The following FMN1 variants were observed in gnomAD, a reference collection of about 807,000 sequenced individuals.
FMN1 encodes the protein formin-1.
A neutral mutation model predicts 132.4 loss-of-function variants in FMN1; 110 were observed. That is an observed-to-expected ratio of 0.83 (90% CI 0.71 to 0.97). The LOEUF (loss-of-function observed/expected upper bound fraction) is 0.97, where lower values mean the gene tolerates loss of function less well. Ranked by LOEUF, FMN1 falls within the 50% of genes least tolerant of loss-of-function variation. The probability of loss-of-function intolerance (pLI) is 0.00; values close to 1 mark genes in which losing one functional copy is unlikely to be tolerated. For synonymous variants in FMN1, 722 were observed against 651.7 expected, an observed-to-expected ratio of 1.11 and a Z score of -1.64; for missense variants, 1,792 against 1,705.3, an observed-to-expected ratio of 1.05 and a Z score of -0.90.
intron 9 of FMN1, among the ~76,000 whole-genome samples, chr15:32,927,305 G>A (rs976616262): frequency 5.9e-5 from 9 of 152,180 alleles, no homozygotes; most frequent in Non-Finnish European, 1.5e-5. Context: ...CACACAGGCT[G>A]GAGTAGAGTG....
intron 10 of FMN1, among the ~76,000 whole-genome samples, chr15:32,921,269 C>T (rs1476360956): frequency 6.6e-6 from 1 of 152,076 alleles, no homozygotes; most frequent in African/African-American, 2.4e-5. Context: ...ACAGAGGGAG[C>T]GTGCAGAACT....
chr15:33,101,032 T>C (rs1209507529), intron 4 of FMN1, among the ~76,000 whole-genome samples: 1 of 152,218 alleles, frequency 6.6e-6, no homozygotes, highest in Non-Finnish European at 1.5e-5. Context: ...TATTTTTCTG[T>C]ACTTTCTACC....
chr15:32,847,409 C>T (rs1273120458), intron 17 of FMN1, among the ~76,000 whole-genome samples: 2 of 152,174 alleles, frequency 1.3e-5, no homozygotes, highest in Non-Finnish European at 2.9e-5. Context: ...CTCTCTTCCA[C>T]TAGCATGTAG....
chr15:32,888,316 T>C (rs1184435278), intron 15 of FMN1, 24 bp from the exon 16 acceptor site: 2 of 1,560,568 alleles, frequency 1.3e-6, no homozygotes, highest in Non-Finnish European at 1.7e-6. Flanking sequence ...TAAACAAAAG[T>C]ACATTATACT....
At chr15:33,179,816 G>A (rs568811734) in intron 3 of FMN1, among the ~76,000 whole-genome samples, 1 of 152,228 alleles carries the variant, frequency 6.6e-6, no homozygotes, top group African/African-American at 2.4e-5. Flanking sequence ...CACATAATGG[G>A]CCCAGTTAGC....
At chr15:32,823,045 G>C (rs2058262328) in intron 17 of FMN1, among the ~76,000 whole-genome samples, 2 of 151,990 alleles carry the variant, frequency 1.3e-5, no homozygotes, top group Admixed American at 1.3e-4. Flanking sequence ...ATGTTCCATG[G>C]GGCAGGGTAC....
At chr15:33,096,142 C>T (rs759669143) in intron 4 of FMN1, among the ~76,000 whole-genome samples, 11 of 152,128 alleles carry the variant, frequency 7.2e-5, no homozygotes, top group Non-Finnish European at 1.3e-4. Context: ...TCATTCCTAT[C>T]ATCAAAAGGA....
intron 3 of FMN1, among the ~76,000 whole-genome samples, chr15:33,158,087 G>T (rs1188269693): frequency 4.6e-5 from 7 of 151,984 alleles, no homozygotes; most frequent in Non-Finnish European, 1.0e-4. Context: ...GCTCCCTAAG[G>T]TCATCCCTTA....
At chr15:33,085,728 T>C (rs1309442905) in intron 5 of FMN1, among the ~76,000 whole-genome samples, 1 of 151,992 alleles carries the variant, frequency 6.6e-6, no homozygotes, top group Non-Finnish European at 1.5e-5. Flanking sequence ...AAGGAAATAG[T>C]CCTAAATAAT....
At chr15:33,015,721 T>C (rs188288115) in intron 6 of FMN1, among the ~76,000 whole-genome samples, 1 of 151,306 alleles carries the variant, frequency 6.6e-6, no homozygotes, top group African/African-American at 2.4e-5. Flanking sequence ...AAAAAATCAT[T>C]CCTCTGAATT....
intron 5 of FMN1, among the ~76,000 whole-genome samples, chr15:33,085,739 G>A (rs965333840): frequency 1.3e-5 from 2 of 151,888 alleles, no homozygotes; most frequent in Non-Finnish European, 2.9e-5. Context: ...CCTAAATAAT[G>A]GGGGGAAAGG....
At chr15:32,800,713 T>A (rs905278283) in intron 18 of FMN1, among the ~76,000 whole-genome samples, 2 of 152,174 alleles carry the variant, frequency 1.3e-5, no homozygotes. Context: ...CCTGGTAGGG[T>A]TGGGCCTGGA....
At chr15:32,777,038 A>G (rs898446615) in intron 19 of FMN1, 119 bp from the exon 20 acceptor site, 2 of 577,498 alleles carry the variant, frequency 3.5e-6, no homozygotes, top group Non-Finnish European at 6.0e-6. Context: ...GAATTAATCC[A>G]TCAGCAATTT....
intron 6 of FMN1, among the ~76,000 whole-genome samples, chr15:33,056,588 T>C (rs2037226828): frequency 6.6e-6 from 1 of 152,210 alleles, no homozygotes; most frequent in South Asian, 2.1e-4. Flanking sequence ...CCATTTGGGT[T>C]ACAGTTCACT....
At chr15:32,914,502 C>G (rs1266715426) in intron 10 of FMN1, among the ~76,000 whole-genome samples, 1 of 152,094 alleles carries the variant, frequency 6.6e-6, no homozygotes, top group Admixed American at 6.6e-5. Context: ...GGGGTAAAAC[C>G]TTGTAGAATT....
At chr15:32,904,021 T>C (rs965079464) in intron 12 of FMN1, among the ~76,000 whole-genome samples, 4 of 152,240 alleles carry the variant, frequency 2.6e-5, no homozygotes, top group African/African-American at 9.6e-5. Context: ...AATGTCAGTC[T>C]GTCCTTTAGG....
At chr15:33,191,723 G>A (rs76343033) in intron 2 of FMN1, among the ~76,000 whole-genome samples, 2,132 of 152,274 alleles carry the variant, frequency 0.014, 24 homozygotes, top group African/African-American at 0.025. Flanking sequence ...TTACTATTTT[G>A]CAGAGCATGG....
intron 19 of FMN1, among the ~76,000 whole-genome samples, chr15:32,782,139 A>T (rs569614050): frequency 1.6e-4 from 25 of 152,222 alleles, no homozygotes; most frequent in Non-Finnish European, 3.4e-4. Flanking sequence ...AAGGCATTTC[A>T]TCTTAGAACT....
intron 4 of FMN1, among the ~76,000 whole-genome samples, chr15:33,115,429 G>A (rs868465429): frequency 6.6e-5 from 10 of 152,116 alleles, no homozygotes; most frequent in African/African-American, 1.9e-4. Flanking sequence ...AAAGAGGTAG[G>A]CAAGGCTCAG....
Sources: allele counts gnomAD v4.1 joint callset (sites outside exome capture counted in the v4.1 genomes callset), GRCh38; gene constraint gnomAD v4.1.1; transcripts MANE v1.5; gene names NCBI Gene and HGNC (gene_info 2026-07-23, HGNC 2026-07-21).